Variants in CSMD1 observed in about 807,000 individuals in gnomAD.
CSMD1 encodes CUB and Sushi multiple domains 1, also known as CUB and sushi domain-containing protein 1.
CSMD1 carries 213 observed loss-of-function variants against 417.5 expected under a neutral mutation model. That is an observed-to-expected ratio of 0.51 (90% confidence interval 0.46 to 0.57). The LOEUF is 0.57. CSMD1 is among the 20% of genes least tolerant of loss of function. The pLI is 0.00. For synonymous variants in CSMD1, 2,862 were observed against 1,736.8 expected, an observed-to-expected ratio of 1.65 and a Z score of -16.11; for missense variants, 6,923 against 4,529.7, an observed-to-expected ratio of 1.53 and a Z score of -15.17.
intron 3 of CSMD1, among the ~76,000 whole-genome samples, chr8:4,367,894 A>G (rs1802177257): frequency 6.6e-6 from 1 of 152,112 alleles, no homozygotes; most frequent in Admixed American, 6.6e-5. Flanking sequence ...ATTTTCGTAC[A>G]TTATTTTGTA....
intron 3 of CSMD1, among the ~76,000 whole-genome samples, chr8:4,227,972 G>A (rs1048221421): frequency 2.7e-5 from 4 of 150,102 alleles, no homozygotes; most frequent in African/African-American, 9.9e-5. Context: ...CACACCAGGA[G>A]ACACGCCCTC....
chr8:4,078,541 G>A (rs1045582934), intron 3 of CSMD1, among the ~76,000 whole-genome samples: 1 of 151,784 alleles, frequency 6.6e-6, no homozygotes, highest in African/African-American at 2.4e-5. Flanking sequence ...TGGGATTACA[G>A]GGGTGAGCCA....
chr8:4,654,961 G>C (rs750360587), intron 1 of CSMD1, among the ~76,000 whole-genome samples: 1 of 150,312 alleles, frequency 6.7e-6, no homozygotes, highest in Non-Finnish European at 1.5e-5. Flanking sequence ...ACAAAAGTTA[G>C]TATTTTTTAA....
chr8:4,382,525 A>T (rs544096858), intron 3 of CSMD1, among the ~76,000 whole-genome samples: 2 of 152,278 alleles, frequency 1.3e-5, no homozygotes, highest in South Asian at 4.1e-4. Context: ...TTTAAACTGT[A>T]TTGCAAAAAG....
intron 30 of CSMD1, among the ~76,000 whole-genome samples, chr8:3,209,034 G>T (rs1797455973): frequency 6.6e-6 from 1 of 152,134 alleles, no homozygotes; most frequent in African/African-American, 2.4e-5. Flanking sequence ...TAACTACAAA[G>T]AAACACTTTG....
intron 3 of CSMD1, among the ~76,000 whole-genome samples, chr8:4,131,818 A>C (rs929308947): frequency 8.2e-6 from 1 of 122,590 alleles, no homozygotes; most frequent in Non-Finnish European, 1.6e-5. Flanking sequence ...GCTGGACTGC[A>C]GTGGTGCGAT....
chr8:4,026,476 A>C (rs1242132279), intron 4 of CSMD1, among the ~76,000 whole-genome samples: 3 of 152,222 alleles, frequency 2.0e-5, no homozygotes, highest in African/African-American at 7.2e-5. Context: ...TGGAAATTTT[A>C]AAGATCCTCC....
chr8:3,320,701 G>T (rs1020158438), intron 23 of CSMD1, among the ~76,000 whole-genome samples: 2 of 152,154 alleles, frequency 1.3e-5, no homozygotes, highest in African/African-American at 4.8e-5. Flanking sequence ...TTCTTTGAAA[G>T]AATTTCTGCT....
At chr8:3,047,824 T>G (rs1189436306) in intron 50 of CSMD1, among the ~76,000 whole-genome samples, 1 of 152,186 alleles carries the variant, frequency 6.6e-6, no homozygotes, top group Non-Finnish European at 1.5e-5. Context: ...AACACTTGAG[T>G]GTGTCTAATT....
At chr8:3,788,734 CT>C (rs1799574901) in intron 5 of CSMD1, among the ~76,000 whole-genome samples, 1 of 152,190 alleles carries the variant, frequency 6.6e-6, no homozygotes, top group Non-Finnish European at 1.5e-5. Context: ...TTAGAAAGCA[CT>C]TTCACATCCA....
At chr8:4,267,202 A>G (rs1273732254) in intron 3 of CSMD1, among the ~76,000 whole-genome samples, 1 of 104,524 alleles carries the variant, frequency 9.6e-6, no homozygotes, top group Non-Finnish European at 2.6e-5. Context: ...TGCACAACAA[A>G]AGAATCCATT....
At chr8:3,637,049 T>C (rs921808004) in intron 7 of CSMD1, among the ~76,000 whole-genome samples, 2 of 152,142 alleles carry the variant, frequency 1.3e-5, no homozygotes, top group Non-Finnish European at 2.9e-5. Flanking sequence ...AAGAAAACCC[T>C]CGCCAGAATC....
At chr8:4,277,964 G>A (rs1796577901) in intron 3 of CSMD1, among the ~76,000 whole-genome samples, 2 of 152,014 alleles carry the variant, frequency 1.3e-5, no homozygotes, top group African/African-American at 4.8e-5. Context: ...TGGCCAGGCT[G>A]GTCTTGAACT....
intron 1 of CSMD1, among the ~76,000 whole-genome samples, chr8:4,977,435 G>C (rs567597128): frequency 2.0e-5 from 3 of 152,242 alleles, no homozygotes; most frequent in African/African-American, 7.2e-5. Context: ...TGAGGGGTGG[G>C]TGCATGTCCA....
At chr8:4,376,671 C>T (rs966620781) in intron 3 of CSMD1, among the ~76,000 whole-genome samples, 1 of 152,140 alleles carries the variant, frequency 6.6e-6, no homozygotes. Context: ...CATATCACAC[C>T]GTTGTTAACG....
chr8:4,221,714 T>C (rs1479657399), intron 3 of CSMD1, among the ~76,000 whole-genome samples: 1 of 152,140 alleles, frequency 6.6e-6, no homozygotes, highest in African/African-American at 2.4e-5. Context: ...AGGCTTTCTC[T>C]CCAGAGATGC....
chr8:3,594,976 G>A (rs1013443912), intron 8 of CSMD1, among the ~76,000 whole-genome samples: 7 of 152,212 alleles, frequency 4.6e-5, no homozygotes, highest in African/African-American at 1.7e-4. Flanking sequence ...CTGAACTGAA[G>A]GGCTTTAGGA....
intron 3 of CSMD1, among the ~76,000 whole-genome samples, chr8:4,332,468 CCAACTGAG>C (rs1360492881): frequency 6.6e-6 from 1 of 151,834 alleles, no homozygotes; most frequent in Non-Finnish European, 1.5e-5. Flanking sequence ...TACTGTCTCT[CCAACTGAG>C]CACCTCACAG....
chr8:3,295,326 C>T (rs1584947474), intron 25 of CSMD1, among the ~76,000 whole-genome samples: 1 of 151,958 alleles, frequency 6.6e-6, no homozygotes, highest in South Asian at 2.1e-4. Flanking sequence ...CGGGGTTTCA[C>T]TGTGTTAGCC....
Sources: gnomAD v4.1 joint callset for allele counts (sites outside exome capture counted in the v4.1 genomes callset) on GRCh38, gnomAD v4.1.1 for gene constraint, MANE v1.5 for transcripts, NCBI Gene and HGNC (gene_info 2026-07-23, HGNC 2026-07-21) for gene names.